Variants in FXR2 observed in about 807,000 individuals in gnomAD.
The protein encoded by FXR2 is RNA-binding protein FXR2.
In FXR2, 9 loss-of-function variants were observed where a neutral mutation model predicts 87.3. The ratio of observed to expected loss-of-function variants is 0.10; its 90% CI spans 0.06 to 0.18. FXR2 has a LOEUF of 0.18. Among genes scored for constraint, FXR2 ranks in the 10% least tolerant of loss-of-function variants. The pLI is 1.00. For missense variants in FXR2, 661 were observed against 893.6 expected (o/e 0.74, Z 3.32); for synonymous variants, 331 against 328.3 (o/e 1.01, Z -0.09).
In FXR2 at chr17:7,592,620, A is replaced by G. The variant is rs1192460181; in HGVS notation, c.1730-21T>C. 6.8e-6 allele frequency: 11 copies of G among 1,612,782 alleles called. No homozygotes were observed. Among genetic ancestry groups the G allele is most frequent in the Admixed American group, 1.7e-5 (1 of 59,946 alleles). The stretch of plus-strand genomic sequence containing the variant: ...ATCTTCTGTAGGGTAGGAAAAAACC[A>G]GAGTCACACATCCAACCTCCCACCC... On this transcript the variant is annotated intron_variant, in intron 14 of 16. Transcript: ENST00000250113. This position sits in a 1 kb window ranked among gnomAD's most constrained non-coding sequence, Gnocchi z 4.8.
rs181405767 is a variant in FXR2 at position 7,593,208 on chromosome 17, C to A, written c.1331-27G>T. 11 of 1,479,386 alleles carry A rather than the reference C, an allele frequency of 7.4e-6. No individual in the cohort carries two copies. In the African/African-American group the frequency reaches 1.5e-4, roughly 21 times the overall value. The allele number at this position is 1,479,386 out of a possible 1,614,324, so 91.6% of individuals were successfully genotyped here. On this transcript the variant is annotated intron_variant, in intron 12 of 16. Coordinates refer to ENST00000250113, the MANE Select transcript of FXR2 (RefSeq NM_004860.4). This position sits in a 1 kb window ranked among gnomAD's most constrained non-coding sequence, Gnocchi z 6.1. ...TGAAGAACACAATGGGATTTATTCA[C>A]GGCCATTCATCCCACCTCAGGATCC...
At position 7,593,506 on chromosome 17, in the gene FXR2, A is replaced by G; in HGVS notation, c.1227T>C (p.Tyr409=). ...RGSGGSDKAG[Y]STDESSSSSL... is the part of the protein sequence containing the mutation. ...AGGAGGAGGAGCTCTCATCAGTGCT[A>G]TATCCAGCCTTGTCGCTGCCACCGC... Residue 409 remains tyrosine, a synonymous_variant, in exon 12 of 17, where the codon TAT becomes TAC. Coordinates refer to ENST00000250113, the MANE Select transcript of FXR2 (RefSeq NM_004860.4). This position sits in a 1 kb window ranked among gnomAD's most constrained non-coding sequence, Gnocchi z 6.1. 1 of 1,587,722 alleles carries G rather than the reference A, an allele frequency of 6.3e-7. No homozygotes were observed. The highest frequency in any genetic ancestry group is 1.1e-5 in the South Asian group (1 of 87,116).
At chr17:7,612,186 T>C (rs1264157040) in intron 1 of FXR2, among the ~76,000 whole-genome samples, 1 of 152,192 alleles carries the variant, frequency 6.6e-6, no homozygotes, top group Non-Finnish European at 1.5e-5. Context: ...CTCCTACGCT[T>C]CCTAGAACAA....
rs1332180063 is a variant in FXR2 at position 7,604,095 on chromosome 17, A to G, written c.229-15T>C. Reference sequence around the variant, plus strand: ...CGAGAATAAACCTAAAGAAAAGTAGAGAATCAAAGAGATATTGAAGACCAC... The same window carrying G: ...CGAGAATAAACCTAAAGAAAAGTAGGGAATCAAAGAGATATTGAAGACCAC... On this transcript the variant is annotated splice_polypyrimidine_tract_variant and intron_variant, in intron 3 of 16. Transcript: ENST00000250113. The G allele has an allele frequency of 6.5e-7, 1 of 1,546,370 alleles. No homozygotes were observed. The highest frequency in any genetic ancestry group is 2.0e-5 in the Admixed American group (1 of 51,272).
chr17:7,602,736 A>T (rs1054625248), intron 6 of FXR2, 173 bp downstream of exon 6: 8 of 536,946 alleles, frequency 1.5e-5, no homozygotes, highest in African/African-American at 1.3e-4. Context: ...TCTCAAAAAA[A>T]AGAAAAAAAA....
rs2071698211 is a variant in FXR2 at position 7,595,223 on chromosome 17, GGGA to G, written c.832-469_832-467del. Among the ~76,000 whole-genome samples the G allele has an allele frequency of 6.6e-6, 1 of 152,166 alleles. No homozygotes were observed. The highest frequency in any genetic ancestry group is 6.6e-5 in the Admixed American group (1 of 15,264). The stretch of plus-strand genomic sequence containing the variant: ...TCTCAACAGTTTCGGAGGCTAAGAA[GGGA>G]GGATTGCTTGAGGCTAGGAGTTAAC... On this transcript the variant is annotated intron_variant, in intron 8 of 16. Transcript: ENST00000250113. The surrounding 1 kb of genome is among the most constrained non-coding windows in gnomAD (Gnocchi z 4.7).
chr17:7,605,663 T>C lies in FXR2; in HGVS notation c.210A>G (p.Thr70=). The change falls in exon 3 of 17, where the codon ACA becomes ACG. Residue 70 remains threonine, a synonymous_variant. Coordinates refer to ENST00000250113, the MANE Select transcript of FXR2 (RefSeq NM_004860.4). ...CCCTTACCTCCACTTCATCCCCTTCTGTGATCTCCTTATTATAGTCAGCTG... is the reference window on the plus strand; with the variant it reads ...CCCTTACCTCCACTTCATCCCCTTCCGTGATCTCCTTATTATAGTCAGCTG... ...PPPADYNKEI[T]EGDEVEVYSR... is the part of the protein sequence containing the mutation. 1 of 1,565,758 alleles carries C rather than the reference T, an allele frequency of 6.4e-7. No individual in the cohort carries two copies. The highest frequency in any genetic ancestry group is 8.8e-7 in the Non-Finnish European group (1 of 1,137,102).
rs1349502450 is a variant in FXR2 at position 7,595,529 on chromosome 17, C to T, written c.831+295G>A. 6.6e-6 allele frequency among the ~76,000 whole-genome samples: 1 copy of T among 152,104 alleles called. No homozygotes were observed. Among genetic ancestry groups the T allele is most frequent in the African/African-American group, 2.4e-5 (1 of 41,406 alleles). ...GTTGTCCAGGTTGTTCTCCAACTCC[C>T]AGGCTCAAGTGATCCTCCCCTCTAT... On this transcript the variant is annotated intron_variant, in intron 8 of 16. Transcript: ENST00000250113. The surrounding 1 kb of genome is among the most constrained non-coding windows in gnomAD (Gnocchi z 4.7).
Position 7,593,223 on chromosome 17 carries a change from C to G in FXR2, c.1331-42G>C, listed in dbSNP as rs2071680902. On this transcript the variant is annotated intron_variant, in intron 12 of 16. Transcript: ENST00000250113. The surrounding 1 kb of genome is among the most constrained non-coding windows in gnomAD (Gnocchi z 6.1). ...GATTTATTCACGGCCATTCATCCCA[C>G]CTCAGGATCCATCACATCCCCCAAA... The G allele has an allele frequency of 7.0e-7, 1 of 1,426,856 alleles. No homozygotes were observed. 88.4% of individuals were successfully genotyped at this position (1,426,856 alleles called of 1,614,324 possible). A position where few individuals can be genotyped will look rare whatever the true frequency, so the allele number is the denominator to read the frequency against.
rs1365037973 is a variant in FXR2 at position 7,609,876 on chromosome 17, G to GTATACA, written c.82-3733_82-3728dup. ...AACCCCATTGCTACTATATATATAT[G>GTATACA]TATACATATACATATATATACACAT... On this transcript the variant is annotated intron_variant, in intron 1 of 16. Coordinates refer to ENST00000250113, the MANE Select transcript of FXR2 (RefSeq NM_004860.4). Among the ~76,000 whole-genome samples the GTATACA allele has an allele frequency of 1.4e-4, 21 of 147,260 alleles. No homozygotes were observed. The East Asian group carries it at 4.2e-3, about 29-fold the overall frequency.
Position 7,592,066 on chromosome 17 carries a change from CT to C in FXR2, c.1927-142del. 7.4e-7 allele frequency: 1 copy of C among 1,343,556 alleles called. No homozygotes were observed. The highest frequency in any genetic ancestry group is 9.9e-7 in the Non-Finnish European group (1 of 1,006,050). 83.2% of individuals were successfully genotyped at this position (1,343,556 alleles called of 1,614,324 possible). Reference sequence around the variant, plus strand: ...TCCCTGATCTCATGATCCAGTCTCTCTTACTTGGGATCCAGAAAATGTGAAC... The same window carrying C: ...TCCCTGATCTCATGATCCAGTCTCTCTACTTGGGATCCAGAAAATGTGAAC... On this transcript the variant is annotated intron_variant, in intron 16 of 16. Coordinates refer to ENST00000250113, the MANE Select transcript of FXR2 (RefSeq NM_004860.4). The surrounding 1 kb of genome is among the most constrained non-coding windows in gnomAD (Gnocchi z 4.8).
At position 7,604,150 on chromosome 17, in the gene FXR2, C is replaced by A. The variant is rs2071782782; in HGVS notation, c.229-70G>T. ...AAGCATCAAGAAAGGGATGAGGAGGCCGGGCATGGTGGGGCTCACACCTGT... is the reference window on the plus strand; with the variant it reads ...AAGCATCAAGAAAGGGATGAGGAGGACGGGCATGGTGGGGCTCACACCTGT... On this transcript the variant is annotated intron_variant, in intron 3 of 16. Coordinates refer to ENST00000250113, the MANE Select transcript of FXR2 (RefSeq NM_004860.4). 6 of 1,202,164 alleles carry A rather than the reference C, an allele frequency of 5.0e-6. No homozygotes were observed. In the South Asian group the frequency reaches 6.5e-5, roughly 13 times the overall value. 74.5% of individuals were successfully genotyped at this position (1,202,164 alleles called of 1,614,324 possible).
Position 7,601,642 on chromosome 17 carries a change from TAGG to T in FXR2, c.544-120_544-118del, listed in dbSNP as rs931219346. On this transcript the variant is annotated intron_variant, in intron 6 of 16. Transcript: ENST00000250113. ...CGGGAAAAGGGTTAAGAAATGAAGC[TAGG>T]AGACCGGGCGCGGTGGCTCATGCCT... 81 of 688,806 alleles carry T rather than the reference TAGG, an allele frequency of 1.2e-4. No individual in the cohort carries two copies. The African/African-American group carries it at 1.4e-3, about 11-fold the overall frequency. The allele number at this position is 688,806 out of a possible 1,614,324, so 42.7% of individuals were successfully genotyped here. A position where few individuals can be genotyped will look rare whatever the true frequency, so the allele number is the denominator to read the frequency against.
rs550664652 is a variant in FXR2, at chr17:7,591,805, A to G, written c.*25T>C. 1.8e-5 allele frequency: 22 copies of G among 1,193,556 alleles called. No homozygotes were observed. In the South Asian group the frequency reaches 2.5e-4, roughly 14 times the overall value. The allele number at this position is 1,193,556 out of a possible 1,614,324, so 73.9% of individuals were successfully genotyped here. A position where few individuals can be genotyped will look rare whatever the true frequency, so the allele number is the denominator to read the frequency against. On this transcript the variant is annotated 3_prime_UTR_variant, in exon 17 of 17. Transcript: ENST00000250113. This position sits in a 1 kb window ranked among gnomAD's most constrained non-coding sequence, Gnocchi z 4.0. ...GTGTTGGGCAGCAAGCGAGATGGAG[A>G]AGGGAGGGGTGCAGGTTGGAGGTTT...
Position 7,593,428 on chromosome 17 carries a change from G to A in FXR2, c.1305C>T (p.Gly435=). The A allele has an allele frequency of 4.4e-6, 7 of 1,579,832 alleles. No individual in the cohort carries two copies. Among genetic ancestry groups the A allele is most frequent in the African/African-American group, 1.3e-5 (1 of 74,218 alleles). ...CATAGGCAGGACCGCCTGTCCTCCG[G>A]CCACGGCCACGGCCCCCATAGCTGC... ...YGGSYGGRGR[G]RRTGGPAYGP... is the part of the protein sequence containing the mutation. The change falls in exon 12 of 17, where the codon GGC becomes GGT. Residue 435 remains glycine (G), a synonymous_variant. Transcript: ENST00000250113. This position sits in a 1 kb window ranked among gnomAD's most constrained non-coding sequence, Gnocchi z 6.1.
At chr17:7,602,378 A>T (rs2071764925) in intron 6 of FXR2, among the ~76,000 whole-genome samples, 1 of 152,196 alleles carries the variant, frequency 6.6e-6, no homozygotes, top group African/African-American at 2.4e-5. Flanking sequence ...AGCCTGGCCA[A>T]CATGGTGAAA....
At chr17:7,601,632 GA>G in intron 6 of FXR2, 107 bp from the exon 7 acceptor site, 1 of 738,476 alleles carries the variant, frequency 1.4e-6, no homozygotes, top group South Asian at 1.5e-5. Flanking sequence ...AAAGGGTTAA[GA>G]AATGAAGCTA....
chr17:7,594,051 T>C lies in FXR2; in HGVS notation c.1021-47A>G. On this transcript the variant is annotated intron_variant, in intron 10 of 16. Coordinates refer to ENST00000250113, the MANE Select transcript of FXR2 (RefSeq NM_004860.4). This position sits in a 1 kb window ranked among gnomAD's most constrained non-coding sequence, Gnocchi z 5.1. ...CGATGGATCAGAAAGGAAAATGAAA[T>C]GGAAGGATTAACGCCGCCCAGTCTC... 2 of 1,289,778 alleles carry C rather than the reference T, an allele frequency of 1.6e-6. No individual in the cohort carries two copies. The highest frequency in any genetic ancestry group is 2.3e-6 in the Non-Finnish European group (2 of 883,778). The allele number at this position is 1,289,778 out of a possible 1,614,324, so 79.9% of individuals were successfully genotyped here.
chr17:7,608,407 T>A (rs947845693), intron 1 of FXR2, among the ~76,000 whole-genome samples: 3 of 149,156 alleles, frequency 2.0e-5, no homozygotes, highest in Non-Finnish European at 4.4e-5. Flanking sequence ...GTCTGGCCAA[T>A]ATGGCAAAAT....
Sources: gnomAD v4.1 joint callset for allele counts (sites outside exome capture counted in the v4.1 genomes callset) on GRCh38, gnomAD v4.1.1 for gene constraint, Gnocchi (gnomAD v3.1) non-coding constraint, MANE v1.5 for transcripts, NCBI Gene and HGNC (gene_info 2026-07-23, HGNC 2026-07-21) for gene names.